The following PGC variants were observed in gnomAD, a reference collection of about 807,000 sequenced individuals.
PGC encodes the protein gastricsin.
A neutral mutation model predicts 45.9 loss-of-function variants in PGC; 31 were observed. That is an observed-to-expected ratio of 0.67 (90% CI 0.51 to 0.91). PGC has a LOEUF of 0.91. PGC is among the 40% of genes least tolerant of loss of function. PGC has a pLI of 0.00. For synonymous variants in PGC, 192 were observed against 201.8 expected (o/e 0.95, Z 0.41); for missense variants, 477 against 493.2 (o/e 0.97, Z 0.31).
chr6:41,742,997 C>T (rs1477994958), intron 4 of PGC, among the ~76,000 whole-genome samples: 3 of 152,204 alleles, frequency 2.0e-5, no homozygotes, highest in South Asian at 2.1e-4. Context: ...CAGCTCACCT[C>T]CTCACCCGTC....
chr6:41,743,737 C>T (rs1034478872), intron 3 of PGC, among the ~76,000 whole-genome samples: 15 of 152,150 alleles, frequency 9.9e-5, no homozygotes, highest in Admixed American at 3.3e-4. Flanking sequence ...AGTGAATGGG[C>T]CTGCACCACA....
intron 4 of PGC, among the ~76,000 whole-genome samples, chr6:41,742,815 AG>A (rs1771856445): frequency 6.6e-6 from 1 of 152,188 alleles, no homozygotes. Flanking sequence ...TAATAGAGAC[AG>A]GGTTTCACCA....
chr6:41,737,200 C>T (rs1011073649), intron 8 of PGC, among the ~76,000 whole-genome samples, 196 bp from the exon 9 acceptor site: 3 of 152,162 alleles, frequency 2.0e-5, no homozygotes, highest in Admixed American at 6.5e-5. Context: ...ATTCAGGCTG[C>T]CGTGGTCCTC....
At position 41,743,500 on chromosome 6, in the gene PGC, T is replaced by C. The variant is rs1190393157; in HGVS notation, c.329-111A>G. On this transcript the variant is annotated intron_variant, in intron 3 of 8. Transcript: ENST00000373025. The stretch of plus-strand genomic sequence containing the variant: ...TCTCGCTCAGGCTGCGCTCACATCC[T>C]GGGACCTCAGCACCCCTGGTTGCCA... The C allele has an allele frequency of 5.4e-6, 4 of 741,510 alleles. No homozygotes were observed. The East Asian group carries it at 9.9e-5, about 18-fold the overall frequency. 45.9% of individuals were successfully genotyped at this position (741,510 alleles called of 1,614,324 possible).
chr6:41,738,239 T>C (rs5015775), intron 7 of PGC, among the ~76,000 whole-genome samples: 31,009 of 42,248 alleles, frequency 0.73, 11,191 homozygotes, highest in Non-Finnish European at 0.81. Flanking sequence ...TATATATATG[T>C]ATATATATAT....
chr6:41,738,460 T>C (rs1048654282), intron 7 of PGC, among the ~76,000 whole-genome samples: 4 of 150,752 alleles, frequency 2.7e-5, no homozygotes, highest in African/African-American at 4.9e-5. Flanking sequence ...AAACCCCGCC[T>C]CCACCAAAAA....
Position 41,736,861 on chromosome 6 carries a change from A to G in PGC, c.1158T>C (p.Thr386=). The G allele has an allele frequency of 6.2e-7, 1 of 1,614,160 alleles. No homozygotes were observed. Among genetic ancestry groups the G allele is most frequent in the Non-Finnish European group, 8.5e-7 (1 of 1,180,024 alleles). The change falls in exon 9 of 9, where the codon ACT becomes ACC. Residue 386 remains threonine, a synonymous_variant. Transcript: ENST00000373025. ...DLGNNRVGFA[T]AA ...TGTCGAGGCAGCAAGTCTAGGCGGC[A>G]GTGGCAAAGCCTACTCTGTTGTTGC...
rs770888003 is a variant in PGC at position 41,742,506 on chromosome 6, C to T, written c.448-17G>A. ...GCTCTGGACCTAATGGAGACACAAA[C>T]GAGGGGAGGTGACCAGTCTGACTCC... On this transcript the variant is annotated splice_polypyrimidine_tract_variant and intron_variant, in intron 4 of 8. Transcript: ENST00000373025. 1.1e-5 allele frequency: 17 copies of T among 1,610,496 alleles called. No individual in the cohort carries two copies. The Admixed American group carries it at 1.8e-4, about 17-fold the overall frequency.
chr6:41,736,997 C>A lies in PGC; in HGVS notation c.1022G>T (p.Gly341Val), dbSNP rs146485859. 9.2e-4 allele frequency: 1,488 copies of A among 1,613,206 alleles called. 14 individuals are homozygous for A. The highest frequency in any genetic ancestry group is 8.0e-3 in the South Asian group (728 of 91,028). Residue 341 changes from glycine (G) to valine (V), a missense_variant, in exon 9 of 9, where the codon GGC becomes GTC. Coordinates refer to ENST00000373025, the MANE Select transcript of PGC (RefSeq NM_002630.4). Reference protein sequence around the residue: ...PPSSYILSNNGYCTVGVEPTY... With the variant: ...PPSSYILSNNVYCTVGVEPTY... The stretch of plus-strand genomic sequence containing the variant: ...GGGCTCGACTCCCACGGTGCAGTAG[C>A]CGTTGTTCTGCTCAACAAAGAAAGG...
chr6:41,741,080 T>C, intron 5 of PGC: 2 of 1,537,150 alleles, frequency 1.3e-6, no homozygotes, highest in Non-Finnish European at 1.7e-6. Context: ...CTGGTAGACA[T>C]GTCACCGGGA....
intron 1 of PGC, among the ~76,000 whole-genome samples, chr6:41,746,258 A>C (rs1771930253): frequency 6.6e-6 from 1 of 152,102 alleles, no homozygotes; most frequent in Non-Finnish European, 1.5e-5. Context: ...GCTGGATGTG[A>C]CAGAGCATGG....
intron 7 of PGC, 100 bp downstream of exon 7, chr6:41,739,699 A>G: frequency 7.0e-6 from 9 of 1,288,900 alleles, no homozygotes; most frequent in Non-Finnish European, 9.7e-6. Context: ...GATTACAGGC[A>G]TGAGCCACGG....
Position 41,740,571 on chromosome 6 carries a change from A to C in PGC, c.687T>G (p.Gly229=), listed in dbSNP as rs1581951928. The change falls in exon 6 of 9, where the codon GGT becomes GGG. Residue 229 remains glycine, a synonymous_variant. Transcript: ENST00000373025. The part of the protein sequence containing the change: ...GSSGGAVVFG[G]VDSSLYTGQI... ...GCCCCGTGTACAGGCTGCTATCCAC[A>C]CCCCCAAAGACAACCGCTCCCCCGC... The C allele has an allele frequency of 6.2e-7, 1 of 1,604,370 alleles. No homozygotes were observed. Among genetic ancestry groups the C allele is most frequent in the East Asian group, 2.3e-5 (1 of 43,800 alleles).
chr6:41,740,593 C>G lies in PGC; in HGVS notation c.665G>C (p.Gly222Ala). 6.2e-7 allele frequency: 1 copy of G among 1,600,912 alleles called. No individual in the cohort carries two copies. Among genetic ancestry groups the G allele is most frequent in the Non-Finnish European group, 8.5e-7 (1 of 1,174,082 alleles). The change falls in exon 6 of 9, where the codon GGG (glycine) becomes GCG (alanine). Residue 222 changes from glycine to alanine, a missense_variant. Coordinates refer to ENST00000373025, the MANE Select transcript of PGC (RefSeq NM_002630.4). Reference protein sequence around the residue: ...VYLSNQQGSSGGAVVFGGVDS... With the variant: ...VYLSNQQGSSAGAVVFGGVDS... ...CACACCCCCAAAGACAACCGCTCCC[C>G]CGCTGGAGCCCTGCTGGCTGCAGGA...
chr6:41,741,387 T>C (rs1045376087), intron 5 of PGC, among the ~76,000 whole-genome samples: 1 of 152,216 alleles, frequency 6.6e-6, no homozygotes, highest in Admixed American at 6.5e-5. Context: ...GGCTCACACC[T>C]GTAATCCCAA....
rs778582307 is a variant in PGC, at chr6:41,743,363, C to T, written c.355G>A (p.Glu119Lys). 1.2e-5 allele frequency: 19 copies of T among 1,613,712 alleles called. No homozygotes were observed. The highest frequency in any genetic ancestry group is 2.7e-5 in the African/African-American group (2 of 74,898). ...CTSHSRFNPS[E>K]SSTYSTNGQT... ...CCATTGGTGGAGTAGGTGGACGACT[C>T]GCTGGGGTTGAAGCGGGAGTGACTG... Residue 119 changes from glutamate to lysine, a missense_variant, in exon 4 of 9, where the codon GAG becomes AAG. By Grantham distance (56) the Glu-to-Lys change is moderately conservative. Coordinates refer to ENST00000373025, the MANE Select transcript of PGC (RefSeq NM_002630.4).
chr6:41,738,314 C>A (rs1240952437), intron 7 of PGC, among the ~76,000 whole-genome samples: 1 of 149,340 alleles, frequency 6.7e-6, no homozygotes, highest in African/African-American at 2.5e-5. Context: ...TGATGCCCAG[C>A]TTGCAAGTGG....
rs1771897080 is a variant in PGC, at chr6:41,744,750, C to T, written c.118G>A (p.Gly40Arg). ...TACTTGTGGGTCCTCAGGAACTCCC[C>T]CAGCAAGCCCTTCTCCTTCATGGTC... is the stretch of plus-strand genomic sequence containing the variant. ...RETMKEKGLL[G>R]EFLRTHKYDP... The change falls in exon 2 of 9, where the codon GGG (glycine) becomes AGG (arginine). Residue 40 changes from glycine (G) to arginine (R), a missense_variant. Transcript: ENST00000373025. This position sits in a 1 kb window ranked among gnomAD's most constrained non-coding sequence, Gnocchi z 4.4. The T allele has an allele frequency of 1.2e-6, 2 of 1,614,112 alleles. No homozygotes were observed. The highest frequency in any genetic ancestry group is 1.7e-6 in the Non-Finnish European group (2 of 1,179,972).
At chr6:41,739,445 G>A (rs140859208) in intron 7 of PGC, among the ~76,000 whole-genome samples, 4,389 of 150,958 alleles carry the variant, frequency 0.029, 197 homozygotes, top group African/African-American at 0.099. Context: ...TTGAGACAGG[G>A]TCTTGCTTTG....
Sources: allele counts gnomAD v4.1 joint callset (sites outside exome capture counted in the v4.1 genomes callset), GRCh38; gene constraint gnomAD v4.1.1; non-coding constraint Gnocchi (gnomAD v3.1); transcripts MANE v1.5; gene names NCBI Gene and HGNC (gene_info 2026-07-23, HGNC 2026-07-21).